The following WNT3 variants were observed in gnomAD, a reference collection of about 807,000 sequenced individuals.
WNT3 encodes proto-oncogene Wnt-3.
Under a neutral mutation model 34.2 loss-of-function variants are expected in WNT3, and 7 were observed. The ratio of observed to expected loss-of-function variants is 0.20; its 90% CI spans 0.12 to 0.38. The LOEUF (loss-of-function observed/expected upper bound fraction) is 0.38. WNT3 is among the 10% of genes least tolerant of loss of function. The pLI is 1.00. For synonymous variants in WNT3, 212 were observed against 211.5 expected (o/e 1.00, Z -0.02); for missense variants, 267 against 499.8 (o/e 0.53, Z 4.44).
intron 1 of WNT3, among the ~76,000 whole-genome samples, chr17:46,816,119 A>ACACACACACACACGCACGCACG (rs71138553): frequency 6.6e-6 from 1 of 150,552 alleles, no homozygotes; most frequent in Non-Finnish European, 1.5e-5. Context: ...ACGTACACAC[A>ACACACACACACACGCACGCACG]CACACACACA....
At chr17:46,780,135 CAT>C (rs2059448057) in intron 1 of WNT3, among the ~76,000 whole-genome samples, 1 of 152,226 alleles carries the variant, frequency 6.6e-6, no homozygotes, top group African/African-American at 2.4e-5. Context: ...ACGCACCTAA[CAT>C]ATGGTGAGAC....
At chr17:46,795,250 C>T (rs1232429884) in intron 1 of WNT3, among the ~76,000 whole-genome samples, 2 of 152,214 alleles carry the variant, frequency 1.3e-5, no homozygotes, top group African/African-American at 4.8e-5. Context: ...TCCTACCCCA[C>T]ACCAGCGCAT....
intron 1 of WNT3, among the ~76,000 whole-genome samples, chr17:46,782,132 C>T (rs2059466857): frequency 6.6e-6 from 1 of 152,376 alleles, no homozygotes; most frequent in Non-Finnish European, 1.5e-5. Context: ...GGCCAAGTCT[C>T]CCCAAGTCAT....
intron 1 of WNT3, among the ~76,000 whole-genome samples, chr17:46,779,103 A>ACACACACACACCCCCC (rs749719578): frequency 2.2e-4 from 30 of 133,652 alleles, no homozygotes; most frequent in Admixed American, 1.2e-3. Context: ...ACACACACAC[A>ACACACACACACCCCCC]CCCCAGCCCA....
chr17:46,801,033 T>C (rs967726542), intron 1 of WNT3, among the ~76,000 whole-genome samples: 1 of 152,212 alleles, frequency 6.6e-6, no homozygotes, highest in African/African-American at 2.4e-5. Flanking sequence ...TCTAACTCAC[T>C]GAGTACACAC....
intron 1 of WNT3, among the ~76,000 whole-genome samples, chr17:46,780,551 G>A (rs1426599183): frequency 1.3e-5 from 2 of 152,210 alleles, no homozygotes; most frequent in Non-Finnish European, 2.9e-5. Flanking sequence ...CACTTTGGGA[G>A]GCCGAGGCGG....
intron 1 of WNT3, among the ~76,000 whole-genome samples, chr17:46,791,964 C>T (rs1229274192): frequency 1.3e-5 from 2 of 152,088 alleles, no homozygotes; most frequent in Non-Finnish European, 2.9e-5. Flanking sequence ...CGCTTGAGCC[C>T]AGGAGTTTGA....
intron 2 of WNT3, among the ~76,000 whole-genome samples, chr17:46,772,151 C>T (rs1173800822): frequency 6.6e-6 from 1 of 152,154 alleles, no homozygotes; most frequent in Admixed American, 6.5e-5. Context: ...GTTCAAGGTC[C>T]GGGCTCTGGG....
chr17:46,792,242 G>T (rs2083997144), intron 1 of WNT3, among the ~76,000 whole-genome samples: 1 of 152,186 alleles, frequency 6.6e-6, no homozygotes, highest in African/African-American at 2.4e-5. Context: ...GGTGGGAGGA[G>T]GTGTCCTCCA....
At chr17:46,770,089 C>T in intron 2 of WNT3, 41 bp from the exon 3 acceptor site, 2 of 1,502,400 alleles carry the variant, frequency 1.3e-6, no homozygotes. Flanking sequence ...AGGACCCGGC[C>T]TGGGAGCGCC....
Position 46,777,040 on chromosome 17 carries a change from T to A in WNT3, c.81-3131A>T, listed in dbSNP as rs185393938. Among the ~76,000 whole-genome samples the A allele has an allele frequency of 1.6e-3, 249 of 152,022 alleles. 1 individual carries two copies. The highest frequency in any genetic ancestry group is 5.7e-3 in the African/African-American group (237 of 41,442). On this transcript the variant is annotated intron_variant, in intron 1 of 4. Coordinates refer to ENST00000225512, the MANE Select transcript of WNT3 (RefSeq NM_030753.5). ...AGCCCTAAGGGAGCACAAAGCCCAT[T>A]ATACAGATGAAAAACAGAGGCCGAC...
chr17:46,814,578 ATCTG>A (rs773942311), intron 1 of WNT3, among the ~76,000 whole-genome samples: 130 of 152,218 alleles, frequency 8.5e-4, no homozygotes, highest in African/African-American at 2.9e-3. Context: ...GTATCTGCCC[ATCTG>A]TCTGTCTGTC....
intron 1 of WNT3, among the ~76,000 whole-genome samples, chr17:46,790,113 G>T (rs189999023): frequency 3.9e-4 from 60 of 152,254 alleles, no homozygotes; most frequent in Non-Finnish European, 2.6e-4. Context: ...TCCAGAGCGA[G>T]CCTCAACATT....
chr17:46,791,652 G>A (rs1354012458), intron 1 of WNT3, among the ~76,000 whole-genome samples: 1 of 152,192 alleles, frequency 6.6e-6, no homozygotes, highest in South Asian at 2.1e-4. Flanking sequence ...TGGGGCACAG[G>A]GAGTTTCTGT....
At chr17:46,788,066 G>A (rs1274288955) in intron 1 of WNT3, among the ~76,000 whole-genome samples, 1 of 152,058 alleles carries the variant, frequency 6.6e-6, no homozygotes, top group Non-Finnish European at 1.5e-5. Flanking sequence ...GGACTTCAAG[G>A]AATAGGTGTG....
intron 1 of WNT3, among the ~76,000 whole-genome samples, chr17:46,780,519 T>C (rs1026858682): frequency 6.6e-6 from 1 of 152,208 alleles, no homozygotes; most frequent in Non-Finnish European, 1.5e-5. Flanking sequence ...CCAGGTGCGG[T>C]GGCTCACGCT....
intron 1 of WNT3, among the ~76,000 whole-genome samples, chr17:46,800,807 A>T (rs2084114821): frequency 6.6e-6 from 1 of 152,200 alleles, no homozygotes; most frequent in Non-Finnish European, 1.5e-5. Flanking sequence ...AGTCTAGTCC[A>T]TGAAATAGAT....
chr17:46,809,458 C>G (rs756993610), intron 1 of WNT3, among the ~76,000 whole-genome samples: 3 of 152,182 alleles, frequency 2.0e-5, no homozygotes, highest in Non-Finnish European at 4.4e-5. Flanking sequence ...TCCTGTTGCT[C>G]CCATCCCCCT....
intron 1 of WNT3, among the ~76,000 whole-genome samples, chr17:46,799,037 A>G (rs534633702): frequency 1.1e-3 from 139 of 124,978 alleles, no homozygotes; most frequent in Non-Finnish European, 1.9e-3. Flanking sequence ...ACAGAGCAAG[A>G]CTCCGTCTCA....
Sources: gnomAD v4.1 joint callset for allele counts (sites outside exome capture counted in the v4.1 genomes callset) on GRCh38, gnomAD v4.1.1 for gene constraint, MANE v1.5 for transcripts, NCBI Gene and HGNC (gene_info 2026-07-23, HGNC 2026-07-21) for gene names.